Variants in COL28A1 observed in about 807,000 individuals in gnomAD.
COL28A1 encodes the protein collagen alpha-1(XXVIII) chain.
A neutral mutation model predicts 150.2 loss-of-function variants in COL28A1; 161 were observed. The ratio of observed to expected loss-of-function variants is 1.07; its 90% CI spans 0.94 to 1.22. The LOEUF is 1.22. COL28A1 is among the 50% of genes most tolerant of loss of function. COL28A1 has a pLI of 0.00. For synonymous variants in COL28A1, 552 were observed against 469.7 expected (o/e 1.18, Z -2.26); for missense variants, 1,617 against 1,388.3 (o/e 1.16, Z -2.62).
intron 11 of COL28A1, among the ~76,000 whole-genome samples, chr7:7,492,926 T>A (rs1327947594): frequency 6.7e-6 from 1 of 149,962 alleles, no homozygotes; most frequent in Non-Finnish European, 1.5e-5. Flanking sequence ...TCATTTTACA[T>A]GTTTTTAGCC....
chr7:7,515,300 C>G (rs534923554), intron 8 of COL28A1, among the ~76,000 whole-genome samples: 1 of 152,124 alleles, frequency 6.6e-6, no homozygotes, highest in Non-Finnish European at 1.5e-5. Context: ...AATCATCTAC[C>G]AACCCATACC....
At chr7:7,399,153 T>C (rs1053395659) in intron 27 of COL28A1, among the ~76,000 whole-genome samples, 1 of 152,158 alleles carries the variant, frequency 6.6e-6, no homozygotes, top group Non-Finnish European at 1.5e-5. Context: ...CATCTGCTTT[T>C]CACTCTTGGC....
intron 5 of COL28A1, among the ~76,000 whole-genome samples, chr7:7,521,335 G>C (rs181747608): frequency 6.6e-6 from 1 of 152,126 alleles, no homozygotes; most frequent in South Asian, 2.1e-4. Context: ...CTCCTTCCTG[G>C]ATTATCTTAT....
At chr7:7,376,518 A>G (rs1781551853) in intron 30 of COL28A1, among the ~76,000 whole-genome samples, 1 of 152,208 alleles carries the variant, frequency 6.6e-6, no homozygotes, top group South Asian at 2.1e-4. Context: ...GTTATATAAT[A>G]CAATTCTACA....
chr7:7,372,398 A>AAAATAAATAAATAAATAAAT (rs3067784), intron 32 of COL28A1, among the ~76,000 whole-genome samples: 12 of 133,710 alleles, frequency 9.0e-5, no homozygotes, highest in South Asian at 2.4e-4. Flanking sequence ...ACTCCGTCTC[A>AAAATAAATAAATAAATAAAT]AAATAAATAA....
chr7:7,505,260 G>A (rs752708613), intron 11 of COL28A1, among the ~76,000 whole-genome samples: 16 of 152,160 alleles, frequency 1.1e-4, no homozygotes, highest in Middle Eastern at 3.4e-3. Flanking sequence ...AGTTGAGGAT[G>A]GCATCTTCTG....
At chr7:7,483,543 T>C (rs1284709453) in intron 13 of COL28A1, among the ~76,000 whole-genome samples, 1 of 152,162 alleles carries the variant, frequency 6.6e-6, no homozygotes, top group African/African-American at 2.4e-5. Context: ...GTCAAGACAT[T>C]AGCATCAAGG....
intron 25 of COL28A1, among the ~76,000 whole-genome samples, chr7:7,420,557 C>G (rs557448676): frequency 1.0e-3 from 156 of 152,224 alleles, no homozygotes; most frequent in Non-Finnish European, 1.9e-3. Context: ...TAGCCACCTT[C>G]TGTATTCCCA....
downstream of COL28A1, among the ~76,000 whole-genome samples, chr7:7,357,442 C>T (rs1299334210): frequency 2.0e-5 from 3 of 152,072 alleles, no homozygotes; most frequent in African/African-American, 7.2e-5. Flanking sequence ...AGGTGGATCA[C>T]GAGGTCAAGA....
At chr7:7,543,011 G>A in the COL28A1 span, among the ~76,000 whole-genome samples, 4 of 152,162 alleles carry the variant, frequency 2.6e-5, no homozygotes, top group South Asian at 4.1e-4. Flanking sequence ...GGAAAAAAGT[G>A]TATTGTACAC....
At position 7,490,625 on chromosome 7, in the gene COL28A1, G is replaced by T; in HGVS notation, c.1048C>A (p.Pro350Thr). ...GNKGEPGPPG[P>T]YGSPGAPGIG... ...CCAGGAGCTCCTGGAGAACCATAAG[G>T]ACCAGGAGGACCTGGCTCACCCTGG... The change falls in exon 12 of 35, where the codon CCT becomes ACT. Residue 350 changes from proline (P) to threonine (T), a missense_variant. Physicochemically the swap from Pro to Thr is conservative, Grantham distance 38. Coordinates refer to ENST00000399429, the MANE Select transcript of COL28A1 (RefSeq NM_001037763.3). 1.5e-6 allele frequency: 2 copies of T among 1,349,464 alleles called. No homozygotes were observed. Among genetic ancestry groups the T allele is most frequent in the Non-Finnish European group, 2.1e-6 (2 of 939,664 alleles). 83.6% of individuals were successfully genotyped at this position (1,349,464 alleles called of 1,614,324 possible).
At position 7,363,627 on chromosome 7, in the gene COL28A1, G is replaced by A. The variant is rs115198168; in HGVS notation, c.3067-3099C>T. ...TACCTCCTAAAGATAGTCATTGTTG[G>A]CATTCAGGTATATTTTTCCCTAGTC... On this transcript the variant is annotated intron_variant, in intron 33 of 34. Coordinates refer to ENST00000399429, the MANE Select transcript of COL28A1 (RefSeq NM_001037763.3). Among the ~76,000 whole-genome samples, 1,179 of 152,084 alleles carry A rather than the reference G, an allele frequency of 7.8e-3. 12 individuals carry two copies. The highest frequency in any genetic ancestry group is 0.027 in the African/African-American group (1,105 of 41,482).
intron 25 of COL28A1, among the ~76,000 whole-genome samples, chr7:7,424,557 C>T (rs992576985): frequency 5.3e-5 from 8 of 152,084 alleles, no homozygotes; most frequent in East Asian, 3.8e-4. Context: ...TAGCTTCCCA[C>T]GCAACAGCTG....
chr7:7,379,302 T>C lies in COL28A1; in HGVS notation c.2322+1358A>G, dbSNP rs116900490. Among the ~76,000 whole-genome samples, 15 of 152,240 alleles carry C rather than the reference T, an allele frequency of 9.9e-5. No individual in the cohort carries two copies. The East Asian group carries it at 1.9e-3, about 20-fold the overall frequency. On this transcript the variant is annotated intron_variant, in intron 30 of 34. Transcript: ENST00000399429. ...TGCAAATTCTCTTTTCCTTCACTCT[T>C]CTCGTCTTGCTAGTCTCTTCTTCCA...
At chr7:7,387,800 T>C (rs1171124617) in intron 27 of COL28A1, among the ~76,000 whole-genome samples, 1 of 152,176 alleles carries the variant, frequency 6.6e-6, no homozygotes, top group African/African-American at 2.4e-5. Context: ...ATGTCAGCTA[T>C]CACTGCTGCA....
chr7:7,376,722 G>A (rs1056315395), intron 30 of COL28A1, among the ~76,000 whole-genome samples: 1 of 26,926 alleles, frequency 3.7e-5, no homozygotes, highest in Non-Finnish European at 6.8e-5. Context: ...TTTATAAACG[G>A]AGAAAATACA....
intron 27 of COL28A1, among the ~76,000 whole-genome samples, chr7:7,396,212 C>G (rs1782825433): frequency 6.6e-6 from 1 of 152,132 alleles, no homozygotes; most frequent in Non-Finnish European, 1.5e-5. Context: ...TCTCCTTCCC[C>G]CTGAAGTTCT....
chr7:7,491,910 A>T (rs1315630264), intron 11 of COL28A1, among the ~76,000 whole-genome samples: 1 of 152,236 alleles, frequency 6.6e-6, no homozygotes, highest in African/African-American at 2.4e-5. Flanking sequence ...CATGCAAAGA[A>T]AATTTTAAAT....
chr7:7,399,058 C>A (rs1783012559), intron 27 of COL28A1, among the ~76,000 whole-genome samples: 2 of 152,160 alleles, frequency 1.3e-5, no homozygotes, highest in East Asian at 3.8e-4. Flanking sequence ...TCTCTTAGAT[C>A]CAGGTGTAAC....
Sources: gnomAD v4.1 joint callset for allele counts (sites outside exome capture counted in the v4.1 genomes callset) on GRCh38, gnomAD v4.1.1 for gene constraint, MANE v1.5 for transcripts, NCBI Gene and HGNC (gene_info 2026-07-23, HGNC 2026-07-21) for gene names.